EHBP1: variants seen among roughly 807,000 people sequenced by gnomAD.
The protein encoded by EHBP1 is EH domain-binding protein 1.
In EHBP1, 55 loss-of-function variants were observed where a neutral mutation model predicts 144.0. That is an observed-to-expected ratio of 0.38 (90% CI 0.31 to 0.48). The LOEUF is 0.48. Ranked by LOEUF, EHBP1 falls within the 20% of genes least tolerant of loss-of-function variation. EHBP1 has a pLI of 0.98. For synonymous variants in EHBP1, 469 were observed against 472.7 expected (o/e 0.99, Z 0.10); for missense variants, 1,200 against 1,364.2 (o/e 0.88, Z 1.90).
chr2:62,756,736 C>G (rs932254654), intron 3 of EHBP1, among the ~76,000 whole-genome samples: 2 of 145,580 alleles, frequency 1.4e-5, no homozygotes, highest in South Asian at 2.1e-4. Flanking sequence ...CCATTGCACT[C>G]CAGCCTGGGC....
At chr2:63,012,128 A>C (rs2060291742) in intron 19 of EHBP1, among the ~76,000 whole-genome samples, 1 of 152,010 alleles carries the variant, frequency 6.6e-6, no homozygotes, top group Non-Finnish European at 1.5e-5. Flanking sequence ...AACCTAAATT[A>C]GAAATAAAAG....
chr2:62,783,489 T>A (rs2042588489), intron 5 of EHBP1, among the ~76,000 whole-genome samples: 1 of 152,268 alleles, frequency 6.6e-6, no homozygotes, highest in Non-Finnish European at 1.5e-5. Flanking sequence ...CAGGCCTTTG[T>A]ATACATCCTC....
Position 62,771,405 on chromosome 2 carries a change from C to A in EHBP1, c.312+13C>A. The A allele has an allele frequency of 6.4e-7, 1 of 1,574,756 alleles. No individual in the cohort carries two copies. Among genetic ancestry groups the A allele is most frequent in the Non-Finnish European group, 8.6e-7 (1 of 1,158,114 alleles). On this transcript the variant is annotated intron_variant, in intron 5 of 22. Coordinates refer to ENST00000431489, the MANE Select transcript of EHBP1 (RefSeq NM_001142616.3). ...TGTCATAGAAAATGTAAGCTAATGG[C>A]AAATTCCTTCACCTTTCACATTTTC...
In EHBP1 at chr2:62,904,171, G is replaced by C. The variant is rs529822152; in HGVS notation, c.1185+29639G>C. Among the ~76,000 whole-genome samples, 13 of 152,280 alleles carry C rather than the reference G, an allele frequency of 8.5e-5. 1 individual carries two copies. In the South Asian group the frequency reaches 2.7e-3, roughly 32 times the overall value. On this transcript the variant is annotated intron_variant, in intron 10 of 22. Coordinates refer to ENST00000431489, the MANE Select transcript of EHBP1 (RefSeq NM_001142616.3). Reference sequence around the variant, plus strand: ...GTGTGGAACTTTAGAGAAAGGAAAGGATTCTTGAAGGAAGTGACATTTGAG... The same window carrying C: ...GTGTGGAACTTTAGAGAAAGGAAAGCATTCTTGAAGGAAGTGACATTTGAG...
chr2:62,738,755 T>C (rs2038394323), intron 2 of EHBP1, among the ~76,000 whole-genome samples: 1 of 152,224 alleles, frequency 6.6e-6, no homozygotes, highest in Admixed American at 6.5e-5. Context: ...CATTTTTTGC[T>C]CACCTAATGA....
At chr2:62,952,175 C>T (rs958925593) in intron 13 of EHBP1, among the ~76,000 whole-genome samples, 2 of 152,108 alleles carry the variant, frequency 1.3e-5, no homozygotes, top group African/African-American at 4.8e-5. Flanking sequence ...CAGAATTTTT[C>T]TTGGGGTAAG....
chr2:62,940,601 C>A (rs1375579197), intron 10 of EHBP1, among the ~76,000 whole-genome samples: 1 of 152,046 alleles, frequency 6.6e-6, no homozygotes, highest in Non-Finnish European at 1.5e-5. Context: ...TTGCTAATTC[C>A]TTTATGGCTT....
intron 19 of EHBP1, among the ~76,000 whole-genome samples, chr2:63,024,732 T>C (rs1372214364): frequency 6.6e-6 from 1 of 152,190 alleles, no homozygotes. Context: ...GAATACTGGT[T>C]GGGCATGGTG....
chr2:62,821,336 T>C lies in EHBP1; in HGVS notation c.313-4751T>C, dbSNP rs1432183244. 4.6e-5 allele frequency among the ~76,000 whole-genome samples: 7 copies of C among 152,280 alleles called. No homozygotes were observed. In the East Asian group the frequency reaches 9.6e-4, roughly 21 times the overall value. ...TGAAAAAGCATACAATGAACTATTA[T>C]TCTGTAAGGAAACTAACTTGAATAA... On this transcript the variant is annotated intron_variant, in intron 5 of 22. Coordinates refer to ENST00000431489, the MANE Select transcript of EHBP1 (RefSeq NM_001142616.3).
chr2:62,692,578 T>C (rs1473682621), intron 1 of EHBP1, among the ~76,000 whole-genome samples: 2 of 152,216 alleles, frequency 1.3e-5, no homozygotes, highest in African/African-American at 4.8e-5. Flanking sequence ...TTTTAATTGG[T>C]GTAAAGTAGT....
chr2:62,860,222 G>A (rs1047839693), intron 8 of EHBP1, among the ~76,000 whole-genome samples: 14 of 152,180 alleles, frequency 9.2e-5, no homozygotes, highest in African/African-American at 3.4e-4. Context: ...GGGCACGGTG[G>A]CTCACGCCTG....
chr2:62,707,806 A>G (rs928480048), intron 2 of EHBP1, among the ~76,000 whole-genome samples: 2 of 152,190 alleles, frequency 1.3e-5, no homozygotes, highest in Non-Finnish European at 2.9e-5. Context: ...AATGCCATCC[A>G]CAAAACCTTA....
At chr2:62,688,394 T>G (rs554782815) in intron 1 of EHBP1, among the ~76,000 whole-genome samples, 74 of 152,308 alleles carry the variant, frequency 4.9e-4, no homozygotes, top group African/African-American at 1.8e-3. Context: ...ATGGGGTACA[T>G]AGTGATGTTT....
intron 2 of EHBP1, among the ~76,000 whole-genome samples, chr2:62,739,282 C>A (rs1280714240): frequency 6.6e-6 from 1 of 151,928 alleles, no homozygotes; most frequent in Non-Finnish European, 1.5e-5. Flanking sequence ...ACAAGACAGA[C>A]AAATCTAGTC....
intron 1 of EHBP1, among the ~76,000 whole-genome samples, chr2:62,691,943 T>C (rs360794): frequency 0.16 from 23,971 of 152,166 alleles, 2,161 homozygotes; most frequent in Middle Eastern, 0.24. Context: ...CTCCTAGTAA[T>C]AGTGTACAAT....
At chr2:62,840,627 A>C (rs1024152635) in intron 7 of EHBP1, among the ~76,000 whole-genome samples, 3 of 151,892 alleles carry the variant, frequency 2.0e-5, no homozygotes, top group African/African-American at 7.3e-5. Context: ...TACAGTGAAC[A>C]CAAACAAATT....
intron 19 of EHBP1, among the ~76,000 whole-genome samples, chr2:63,017,802 A>T (rs1329686941): frequency 6.6e-6 from 1 of 152,206 alleles, no homozygotes; most frequent in African/African-American, 2.4e-5. Flanking sequence ...GAGGCATTTG[A>T]TTATTGGGAA....
At chr2:62,882,649 G>A (rs1056481101) in intron 10 of EHBP1, among the ~76,000 whole-genome samples, 66 of 152,146 alleles carry the variant, frequency 4.3e-4, no homozygotes, top group Admixed American at 2.6e-3. Flanking sequence ...TTGGGAGGCC[G>A]AGGCAGGCAG....
chr2:62,974,807 C>G (rs1294428568), intron 14 of EHBP1, among the ~76,000 whole-genome samples: 1 of 152,114 alleles, frequency 6.6e-6, no homozygotes, highest in African/African-American at 2.4e-5. Context: ...GTTCTTATCT[C>G]TCTTTTTACA....
Sources: gnomAD v4.1 joint callset for allele counts (sites outside exome capture counted in the v4.1 genomes callset) on GRCh38, gnomAD v4.1.1 for gene constraint, MANE v1.5 for transcripts, NCBI Gene and HGNC (gene_info 2026-07-23, HGNC 2026-07-21) for gene names.